The following DYNC2I1 variants were observed in gnomAD, a reference collection of about 807,000 sequenced individuals.
DYNC2I1 encodes dynein 2 intermediate chain 1, also known as cytoplasmic dynein 2 intermediate chain 1.
In DYNC2I1, 89 loss-of-function variants were observed where a neutral mutation model predicts 133.4. The observed-to-expected ratio is 0.67, with a 90% CI of 0.56 to 0.80. DYNC2I1 has a LOEUF of 0.80. DYNC2I1 is among the 30% of genes least tolerant of loss of function. The probability of loss-of-function intolerance (pLI) is 0.00; values close to 1 mark genes in which losing one functional copy is unlikely to be tolerated. For missense variants in DYNC2I1, 1,291 were observed against 1,314.5 expected (o/e 0.98, Z 0.28); for synonymous variants, 504 against 484.3 (o/e 1.04, Z -0.54).
chr7:158,911,802 G>A, intron 12 of DYNC2I1, 123 bp downstream of exon 12: 1 of 1,286,656 alleles, frequency 7.8e-7, no homozygotes, highest in South Asian at 1.6e-5. Context: ...AAGGATACAA[G>A]CTTAGGGAAA....
Position 158,922,543 on chromosome 7 carries a change from G to A in DYNC2I1, c.2088G>A (p.Glu696=), listed in dbSNP as rs777711394. 1.2e-6 allele frequency: 2 copies of A among 1,613,456 alleles called. No homozygotes were observed. The highest frequency in any genetic ancestry group is 1.7e-6 in the Non-Finnish European group (2 of 1,179,760). ...PSGPQKVLIC[E]SQVTCCCLSP... ...GGCCACAGAAAGTTCTGATATGTGA[G>A]TCCCAGGTACAGCTCAGGATGAGAG... Residue 696 remains glutamate, a synonymous_variant, in exon 16 of 25, where the codon GAG becomes GAA. Transcript: ENST00000407559.
intron 19 of DYNC2I1, among the ~76,000 whole-genome samples, chr7:158,926,712 G>A (rs577393844): frequency 1.4e-4 from 22 of 152,208 alleles, no homozygotes; most frequent in Non-Finnish European, 2.6e-4. Context: ...AGTGAGAAGG[G>A]AACAAAATGT....
intron 1 of DYNC2I1, among the ~76,000 whole-genome samples, chr7:158,860,583 T>C (rs1041535367): frequency 6.6e-6 from 1 of 152,226 alleles, no homozygotes; most frequent in African/African-American, 2.4e-5. Flanking sequence ...TATTAGCTCT[T>C]TCAAAACTCT....
the DYNC2I1 span, among the ~76,000 whole-genome samples, chr7:158,847,455 A>T: frequency 6.6e-6 from 1 of 152,018 alleles, no homozygotes; most frequent in Non-Finnish European, 1.5e-5. Flanking sequence ...AAAAAGGCAC[A>T]GAATGAGAAA....
chr7:158,894,647 A>G (rs754988271), intron 8 of DYNC2I1, among the ~76,000 whole-genome samples: 2 of 152,256 alleles, frequency 1.3e-5, no homozygotes, highest in Non-Finnish European at 2.9e-5. Context: ...TAAATGTGCT[A>G]TAAACATCTG....
At chr7:158,930,871 T>C (rs1850155017) in intron 21 of DYNC2I1, among the ~76,000 whole-genome samples, 1 of 152,132 alleles carries the variant, frequency 6.6e-6, no homozygotes, top group Admixed American at 6.5e-5. Context: ...TTTCATCATA[T>C]TGATCAGGCT....
intron 7 of DYNC2I1, among the ~76,000 whole-genome samples, chr7:158,890,890 A>C (rs1845143348): frequency 6.6e-6 from 1 of 152,104 alleles, no homozygotes; most frequent in Non-Finnish European, 1.5e-5. Context: ...GTGACTTCTA[A>C]GTGCATAGAT....
chr7:158,943,912 G>A lies in DYNC2I1; in HGVS notation c.3003-1669G>A, dbSNP rs544080122. Among the ~76,000 whole-genome samples, 74 of 152,246 alleles carry A rather than the reference G, an allele frequency of 4.9e-4. 1 individual carries two copies. Among genetic ancestry groups the A allele is most frequent in the South Asian group, 1.5e-3 (7 of 4,822 alleles). On this transcript the variant is annotated intron_variant, in intron 24 of 24. Transcript: ENST00000407559. ...TCTGTCAGGAAGGAGGCGGCAGCCC[G>A]GCCCACGTTCCTCTACTTCTACTTC...
chr7:158,945,623 T>C lies in DYNC2I1; in HGVS notation c.3045T>C (p.Gly1015=), dbSNP rs377462355. ...MAAVGEPEKA[G]GSFLALVLAR... The stretch of plus-strand genomic sequence containing the variant: ...CGGTGGGTGAGCCTGAGAAGGCTGG[T>C]GGCAGCTTCCTGGCCCTGGTGCTGG... Residue 1015 remains glycine (G), a synonymous_variant, in exon 25 of 25, where the codon GGT becomes GGC. Coordinates refer to ENST00000407559, the MANE Select transcript of DYNC2I1 (RefSeq NM_018051.5). The surrounding 1 kb of genome is among the most constrained non-coding windows in gnomAD (Gnocchi z 4.1). 152 of 1,610,704 alleles carry C rather than the reference T, an allele frequency of 9.4e-5. No individual in the cohort carries two copies. The East Asian group carries it at 3.2e-3, about 34-fold the overall frequency.
At position 158,862,337 on chromosome 7, in the gene DYNC2I1, G is replaced by C. The variant is rs1180979516; in HGVS notation, c.15+5587G>C. On this transcript the variant is annotated intron_variant, in intron 1 of 24. Transcript: ENST00000407559. ...ATTACAAAATACTTTGTCAAGTACT[G>C]GTTTACAGAAATAACATTGATTATT... 9.9e-5 allele frequency among the ~76,000 whole-genome samples: 15 copies of C among 151,700 alleles called. 1 individual carries two copies. The highest frequency in any genetic ancestry group is 9.8e-4 in the Admixed American group (15 of 15,252).
chr7:158,934,387 GT>G, intron 22 of DYNC2I1, 30 bp from the exon 23 acceptor site: 1 of 1,598,624 alleles, frequency 6.3e-7, no homozygotes, highest in Non-Finnish European at 8.5e-7. Context: ...TAATGCACTC[GT>G]TCAGTCACTC....
chr7:158,867,502 G>A (rs989876865), intron 1 of DYNC2I1, among the ~76,000 whole-genome samples: 8 of 152,204 alleles, frequency 5.3e-5, no homozygotes, highest in African/African-American at 1.4e-4. Context: ...AATCACTATC[G>A]CGAGGGTTGC....
intron 5 of DYNC2I1, among the ~76,000 whole-genome samples, chr7:158,884,319 A>G (rs947220470): frequency 3.3e-5 from 5 of 152,224 alleles, no homozygotes; most frequent in Non-Finnish European, 7.3e-5. Context: ...TGCTGGGATC[A>G]CAGGCGTGAG....
At chr7:158,856,544 T>A (rs985025206), upstream of DYNC2I1, 1 of 481,608 alleles carries the variant, frequency 2.1e-6, no homozygotes, top group Non-Finnish European at 3.3e-6. Flanking sequence ...ATGCCGGGGA[T>A]GCGCAGGCGC....
At chr7:158,908,387 C>T (rs531906393) in intron 11 of DYNC2I1, among the ~76,000 whole-genome samples, 16 of 152,044 alleles carry the variant, frequency 1.1e-4, no homozygotes, top group Non-Finnish European at 2.4e-4. Context: ...CTGGAATGTA[C>T]CTCAAAAATT....
At chr7:158,872,575 T>C (rs1030156247) in intron 3 of DYNC2I1, among the ~76,000 whole-genome samples, 1 of 151,882 alleles carries the variant, frequency 6.6e-6, no homozygotes, top group Non-Finnish European at 1.5e-5. Flanking sequence ...GTGGAGGTTA[T>C]AGTGAGCTGA....
chr7:158,878,563 C>T lies in DYNC2I1; in HGVS notation c.574-1121C>T, dbSNP rs566864817. On this transcript the variant is annotated intron_variant, in intron 4 of 24. Coordinates refer to ENST00000407559, the MANE Select transcript of DYNC2I1 (RefSeq NM_018051.5). ...AGGAGGGCCGACTGTGAGTGTCGGGCGCCATGTGGGGAGGCGAGGAGGGGA... is the reference window on the plus strand; with the variant it reads ...AGGAGGGCCGACTGTGAGTGTCGGGTGCCATGTGGGGAGGCGAGGAGGGGA... Among the ~76,000 whole-genome samples the T allele has an allele frequency of 6.1e-4, 60 of 97,966 alleles. 1 individual carries two copies. Among genetic ancestry groups the T allele is most frequent in the African/African-American group, 1.9e-3 (48 of 24,950 alleles). The allele number at this position is 97,966 out of a possible 152,430, so 64.3% of individuals were successfully genotyped here.
intron 7 of DYNC2I1, among the ~76,000 whole-genome samples, chr7:158,891,007 T>C (rs1585052129): frequency 6.6e-6 from 1 of 152,352 alleles, no homozygotes; most frequent in East Asian, 1.9e-4. Flanking sequence ...TCACTGCTAC[T>C]GTGAAGCAGA....
chr7:158,844,714 C>T, the DYNC2I1 span, among the ~76,000 whole-genome samples: 3 of 152,058 alleles, frequency 2.0e-5, no homozygotes, highest in Non-Finnish European at 4.4e-5. Flanking sequence ...CCTCCACCTC[C>T]AGGTTCAAGC....
Sources: gnomAD v4.1 joint callset for allele counts (sites outside exome capture counted in the v4.1 genomes callset) on GRCh38, gnomAD v4.1.1 for gene constraint, Gnocchi (gnomAD v3.1) non-coding constraint, MANE v1.5 for transcripts, NCBI Gene and HGNC (gene_info 2026-07-23, HGNC 2026-07-21) for gene names.